Variants in SGCZ observed in about 807,000 individuals in gnomAD.
SGCZ encodes the protein zeta-sarcoglycan.
In SGCZ, 40 loss-of-function variants were observed where a neutral mutation model predicts 41.3. The observed-to-expected ratio is 0.97, with a 90% CI of 0.75 to 1.26. The LOEUF (loss-of-function observed/expected upper bound fraction) is 1.26, where lower values mean the gene tolerates loss of function less well. Among genes scored for constraint, SGCZ ranks in the 50% most tolerant of loss-of-function variants. The pLI, the probability that SGCZ is intolerant of heterozygous loss-of-function variation, is 0.00. For synonymous variants in SGCZ, 206 were observed against 137.5 expected (o/e 1.50, Z -3.49); for missense variants, 552 against 369.8 (o/e 1.49, Z -4.04).
intron 1 of SGCZ, among the ~76,000 whole-genome samples, chr8:15,217,444 CA>C (rs1801443821): frequency 2.0e-5 from 3 of 148,584 alleles, no homozygotes; most frequent in African/African-American, 7.4e-5. Flanking sequence ...ATTGAACTAA[CA>C]AAAATACCTC....
chr8:14,424,768 G>A (rs554648919), intron 2 of SGCZ, among the ~76,000 whole-genome samples: 38 of 152,164 alleles, frequency 2.5e-4, no homozygotes, highest in Admixed American at 8.5e-4. Context: ...TACAATGAAA[G>A]ACAATAAGCT....
chr8:14,552,659 G>T (rs1269265541), intron 2 of SGCZ, among the ~76,000 whole-genome samples: 2 of 152,004 alleles, frequency 1.3e-5, no homozygotes, highest in Admixed American at 6.6e-5. Flanking sequence ...TGGGTGACAG[G>T]AACCCTGAGG....
intron 4 of SGCZ, among the ~76,000 whole-genome samples, chr8:14,175,155 T>A (rs917505346): frequency 1.5e-4 from 23 of 152,036 alleles, no homozygotes; most frequent in African/African-American, 4.6e-4. Flanking sequence ...AAGAAAAAAA[T>A]TTTTAAATGC....
At chr8:14,328,145 A>G (rs779115598) in intron 2 of SGCZ, among the ~76,000 whole-genome samples, 1 of 152,198 alleles carries the variant, frequency 6.6e-6, no homozygotes, top group Non-Finnish European at 1.5e-5. Flanking sequence ...TGTATAACAT[A>G]TATTCCATAT....
intron 1 of SGCZ, among the ~76,000 whole-genome samples, chr8:14,810,816 C>A (rs1192751115): frequency 6.6e-6 from 1 of 151,940 alleles, no homozygotes; most frequent in Non-Finnish European, 1.5e-5. Context: ...TTTGAAGAGA[C>A]TCTTATTAAA....
At chr8:15,076,625 C>A (rs1805540456) in intron 1 of SGCZ, among the ~76,000 whole-genome samples, 1 of 152,052 alleles carries the variant, frequency 6.6e-6, no homozygotes, top group African/African-American at 2.4e-5. Context: ...TTGTCTCCTG[C>A]TACACCCATC....
chr8:14,169,660 G>A (rs559895110), intron 4 of SGCZ, among the ~76,000 whole-genome samples: 14 of 152,186 alleles, frequency 9.2e-5, no homozygotes, highest in African/African-American at 3.1e-4. Context: ...GCTATCTTTC[G>A]CTAGTAATTG....
intron 2 of SGCZ, among the ~76,000 whole-genome samples, chr8:14,517,351 G>A (rs1802652935): frequency 6.6e-6 from 1 of 152,052 alleles, no homozygotes; most frequent in South Asian, 2.1e-4. Context: ...TTTTAGTGCA[G>A]CAAACTTTGT....
intron 1 of SGCZ, among the ~76,000 whole-genome samples, chr8:15,037,354 G>T (rs915176615): frequency 6.6e-6 from 1 of 152,144 alleles, no homozygotes; most frequent in African/African-American, 2.4e-5. Flanking sequence ...GGATACATTT[G>T]CTTCCCCTTC....
intron 2 of SGCZ, among the ~76,000 whole-genome samples, chr8:14,450,522 T>G (rs1343776221): frequency 1.3e-5 from 2 of 152,160 alleles, no homozygotes; most frequent in African/African-American, 2.4e-5. Context: ...TCCAGTACCT[T>G]TGGTAATAAT....
intron 3 of SGCZ, among the ~76,000 whole-genome samples, chr8:14,306,876 C>T (rs1323560116): frequency 1.3e-5 from 2 of 152,134 alleles, no homozygotes; most frequent in South Asian, 2.1e-4. Flanking sequence ...CTTCTTTGTG[C>T]TCCACAAGTA....
chr8:14,733,722 A>G (rs946037053), intron 1 of SGCZ, among the ~76,000 whole-genome samples: 1 of 152,208 alleles, frequency 6.6e-6, no homozygotes, highest in East Asian at 1.9e-4. Flanking sequence ...TGAGGGAAAG[A>G]TGGGGAATTT....
intron 1 of SGCZ, among the ~76,000 whole-genome samples, chr8:15,185,568 A>G (rs887451232): frequency 6.6e-6 from 1 of 152,154 alleles, no homozygotes; most frequent in Admixed American, 6.5e-5. Context: ...CTAGTCATGC[A>G]TGACTTCTTC....
intron 1 of SGCZ, among the ~76,000 whole-genome samples, chr8:15,231,902 G>A (rs1044400269): frequency 6.6e-5 from 10 of 152,082 alleles, no homozygotes; most frequent in South Asian, 2.1e-4. Flanking sequence ...GATTACAGGC[G>A]TGAGCCACCA....
intron 1 of SGCZ, among the ~76,000 whole-genome samples, chr8:14,671,854 T>C (rs1239896267): frequency 6.6e-6 from 1 of 152,200 alleles, no homozygotes; most frequent in Non-Finnish European, 1.5e-5. Flanking sequence ...CTCTTCCGTA[T>C]ATCCTAATTC....
intron 1 of SGCZ, among the ~76,000 whole-genome samples, chr8:14,658,333 A>G (rs919896814): frequency 6.6e-6 from 1 of 152,154 alleles, no homozygotes; most frequent in African/African-American, 2.4e-5. Context: ...TGTTGTCCTA[A>G]CTAGTCTGCT....
chr8:14,984,774 A>G (rs1354581226), intron 1 of SGCZ, among the ~76,000 whole-genome samples: 1 of 152,116 alleles, frequency 6.6e-6, no homozygotes, highest in Non-Finnish European at 1.5e-5. Flanking sequence ...GCTACAATTA[A>G]ATTACTTTGG....
chr8:14,238,174 T>C (rs970268558), intron 3 of SGCZ, among the ~76,000 whole-genome samples: 1 of 152,254 alleles, frequency 6.6e-6, no homozygotes, highest in Non-Finnish European at 1.5e-5. Flanking sequence ...AAAGCACTTA[T>C]CACAAAGCAA....
intron 1 of SGCZ, among the ~76,000 whole-genome samples, chr8:14,714,256 C>T (rs1001513059): frequency 1.3e-5 from 2 of 152,030 alleles, no homozygotes; most frequent in Non-Finnish European, 2.9e-5. Flanking sequence ...CATGAGCCAC[C>T]GTGTCCGACC....
Sources: allele counts gnomAD v4.1 joint callset (sites outside exome capture counted in the v4.1 genomes callset), GRCh38; gene constraint gnomAD v4.1.1; transcripts MANE v1.5; gene names NCBI Gene and HGNC (gene_info 2026-07-23, HGNC 2026-07-21).